ERAP1: variants seen among roughly 807,000 people sequenced by gnomAD.
ERAP1 encodes the protein endoplasmic reticulum aminopeptidase 1, also known as adipocyte-derived leucine aminopeptidase.
ERAP1 carries 86 observed loss-of-function variants against 103.7 expected under a neutral mutation model. The observed-to-expected ratio is 0.83, with a 90% CI of 0.70 to 0.99. ERAP1 has a LOEUF of 0.99. ERAP1 is among the 50% of genes least tolerant of loss of function. The pLI, the probability that ERAP1 is intolerant of heterozygous loss-of-function variation, is 0.00. For missense variants in ERAP1, 1,009 were observed against 1,128.4 expected (o/e 0.89, Z 1.52); for synonymous variants, 398 against 402.4 (o/e 0.99, Z 0.13).
the ERAP1 span, among the ~76,000 whole-genome samples, chr5:96,878,311 C>T: frequency 1.5e-3 from 225 of 152,146 alleles, 3 homozygotes; most frequent in Admixed American, 0.014. Flanking sequence ...GGGATAAATA[C>T]CTACCTTGAC....
chr5:96,830,456 G>T, the ERAP1 span, among the ~76,000 whole-genome samples: 3 of 152,126 alleles, frequency 2.0e-5, no homozygotes, highest in Non-Finnish European at 4.4e-5. Context: ...TTGCATTATG[G>T]CAGTGACTGA....
the ERAP1 span, chr5:96,915,750 C>T: frequency 2.5e-6 from 4 of 1,599,978 alleles, no homozygotes; most frequent in Non-Finnish European, 3.4e-6. Context: ...CACTTTTCTT[C>T]CAAGGATAAG....
intron 19 of ERAP1, chr5:96,765,288 AC>A: frequency 6.4e-7 from 1 of 1,557,746 alleles, no homozygotes; most frequent in East Asian, 2.3e-5. Context: ...AGGCAGCCTG[AC>A]CCAGATGAGA....
chr5:96,901,697 C>T, the ERAP1 span: 1 of 1,612,006 alleles, frequency 6.2e-7, no homozygotes, highest in East Asian at 2.2e-5. Context: ...TGCTTTTCTT[C>T]TTTAGGTCTA....
intron 11 of ERAP1, 125 bp downstream of exon 11, chr5:96,788,406 G>C (rs1484290039): frequency 6.0e-6 from 7 of 1,174,960 alleles, no homozygotes; most frequent in Non-Finnish European, 8.6e-6. Flanking sequence ...AACTTCATAG[G>C]ATACACAGAT....
the ERAP1 span, among the ~76,000 whole-genome samples, chr5:96,855,029 T>C: frequency 4.6e-5 from 7 of 152,312 alleles, no homozygotes; most frequent in South Asian, 1.2e-3. Flanking sequence ...TTCTGCAGAT[T>C]ATATAGGTTT....
At chr5:96,869,566 G>C in the ERAP1 span, among the ~76,000 whole-genome samples, 1 of 152,240 alleles carries the variant, frequency 6.6e-6, no homozygotes, top group Non-Finnish European at 1.5e-5. Context: ...GGAGCAATCT[G>C]TCTGGAACAA....
chr5:96,798,285 A>G (rs1193652920), intron 3 of ERAP1, among the ~76,000 whole-genome samples: 2 of 143,180 alleles, frequency 1.4e-5, no homozygotes, highest in Non-Finnish European at 3.0e-5. Flanking sequence ...AGATCACGCC[A>G]CTGCACTCCA....
chr5:96,901,433 A>G, the ERAP1 span: 2 of 1,505,148 alleles, frequency 1.3e-6, no homozygotes, highest in South Asian at 1.2e-5. Context: ...ATCCAAGGAG[A>G]TGGAAGTTTC....
chr5:96,886,060 A>T, the ERAP1 span, among the ~76,000 whole-genome samples: 6 of 152,240 alleles, frequency 3.9e-5, no homozygotes. Flanking sequence ...TCATCTTTGG[A>T]GTCACACGGT....
the ERAP1 span, among the ~76,000 whole-genome samples, chr5:96,852,275 G>A: frequency 1.3e-5 from 2 of 152,188 alleles, no homozygotes; most frequent in Non-Finnish European, 2.9e-5. Flanking sequence ...GAGAAAGGAT[G>A]CTAACATGGA....
chr5:96,788,523 A>G lies in ERAP1; in HGVS notation c.1679+8T>C. ...ACAACAAAACAAATTTTACTCTAGG[A>G]GCATTACCCAGTGTCCGGGGCGCCG... On this transcript the variant is annotated splice_region_variant and intron_variant, in intron 11 of 18. Coordinates refer to ENST00000443439, the MANE Select transcript of ERAP1 (RefSeq NM_001040458.3). 1 of 1,614,054 alleles carries G rather than the reference A, an allele frequency of 6.2e-7. No individual in the cohort carries two copies. Among genetic ancestry groups the G allele is most frequent in the Non-Finnish European group, 8.5e-7 (1 of 1,180,030 alleles).
chr5:96,822,848 G>A, the ERAP1 span: 10 of 281,990 alleles, frequency 3.5e-5, no homozygotes, highest in Admixed American at 1.4e-4. Flanking sequence ...AGTTTCTGAG[G>A]GCCTTGAGTC....
At chr5:96,864,155 C>T in the ERAP1 span, among the ~76,000 whole-genome samples, 1 of 152,124 alleles carries the variant, frequency 6.6e-6, no homozygotes, top group Admixed American at 6.6e-5. Context: ...TGGCACTTTG[C>T]AGATAATGTA....
At chr5:96,855,361 T>C in the ERAP1 span, among the ~76,000 whole-genome samples, 1 of 152,192 alleles carries the variant, frequency 6.6e-6, no homozygotes, top group Non-Finnish European at 1.5e-5. Flanking sequence ...ATCCATGAAA[T>C]TGAGCTCTAA....
At chr5:96,771,158 A>G (rs1410871300), downstream of ERAP1, among the ~76,000 whole-genome samples, 1 of 152,214 alleles carries the variant, frequency 6.6e-6, no homozygotes, top group Non-Finnish European at 1.5e-5. Flanking sequence ...TATAGGAAAC[A>G]GCATTGATAA....
chr5:96,935,658 C>G, the ERAP1 span: 68 of 155,628 alleles, frequency 4.4e-4, no homozygotes, highest in South Asian at 0.013. Flanking sequence ...CAGCGGGGCA[C>G]TGACTTTACA....
At chr5:96,784,713 A>AG (rs1438662072) in intron 13 of ERAP1, 2 of 153,698 alleles carry the variant, frequency 1.3e-5, no homozygotes, top group African/African-American at 4.8e-5. Flanking sequence ...AAGACCCTTT[A>AG]GGAAGCCTGG....
chr5:96,795,169 A>C lies in ERAP1; in HGVS notation c.799-7T>G. ...GCACAGCATAAACAGAAACCTAAAGAGAAAGGCACAGAAAGGAATTCAAAT... is the reference window on the plus strand; with the variant it reads ...GCACAGCATAAACAGAAACCTAAAGCGAAAGGCACAGAAAGGAATTCAAAT... On this transcript the variant is annotated splice_region_variant and splice_polypyrimidine_tract_variant and intron_variant, in intron 4 of 18. Coordinates refer to ENST00000443439, the MANE Select transcript of ERAP1 (RefSeq NM_001040458.3). 6.2e-7 allele frequency: 1 copy of C among 1,612,982 alleles called. No homozygotes were observed. Among genetic ancestry groups the C allele is most frequent in the South Asian group, 1.1e-5 (1 of 91,074 alleles).
Sources: gnomAD v4.1 joint callset for allele counts (sites outside exome capture counted in the v4.1 genomes callset) on GRCh38, gnomAD v4.1.1 for gene constraint, MANE v1.5 for transcripts, NCBI Gene and HGNC (gene_info 2026-07-23, HGNC 2026-07-21) for gene names.